Variants in TXNDC16 observed in about 807,000 individuals in gnomAD.
TXNDC16 encodes thioredoxin domain containing 16, also known as thioredoxin domain-containing protein 16.
Under a neutral mutation model 85.6 loss-of-function variants are expected in TXNDC16, and 74 were observed. The observed-to-expected ratio is 0.86, with a 90% CI of 0.72 to 1.05. TXNDC16 has a LOEUF of 1.05. TXNDC16 is among the 50% of genes least tolerant of loss of function. The pLI is 0.00. For synonymous variants in TXNDC16, 335 were observed against 326.5 expected (o/e 1.03, Z -0.28); for missense variants, 959 against 947.0 (o/e 1.01, Z -0.17).
intron 14 of TXNDC16, among the ~76,000 whole-genome samples, chr14:52,472,797 T>C (rs1270825983): frequency 6.6e-6 from 1 of 151,850 alleles, no homozygotes; most frequent in Non-Finnish European, 1.5e-5. Context: ...GTATGGGGAG[T>C]CCTCGGTAAG....
At chr14:52,508,987 A>G (rs1173441778) in intron 9 of TXNDC16, among the ~76,000 whole-genome samples, 1 of 152,158 alleles carries the variant, frequency 6.6e-6, no homozygotes, top group Non-Finnish European at 1.5e-5. Flanking sequence ...GCACACCAAC[A>G]TGGCACATGT....
chr14:52,513,562 T>A (rs904516709), intron 8 of TXNDC16, among the ~76,000 whole-genome samples: 15 of 152,126 alleles, frequency 9.9e-5, no homozygotes, highest in African/African-American at 3.1e-4. Context: ...TGTGCATTTT[T>A]AAATTCCCAT....
At position 52,451,748 on chromosome 14, in the gene TXNDC16, G is replaced by T. The variant is rs377000245; in HGVS notation, c.1842+3576C>A. Among the ~76,000 whole-genome samples, 10 of 151,990 alleles carry T rather than the reference G, an allele frequency of 6.6e-5. No individual in the cohort carries two copies. In the East Asian group the frequency reaches 1.5e-3, roughly 24 times the overall value. On this transcript the variant is annotated intron_variant, in intron 18 of 20. Transcript: ENST00000281741. ...GCCACAGCTAGTGTCATTCTGAATG[G>T]GGAAAAAGTCTTTTCTCTAAGATCT...
At chr14:52,526,337 C>T (rs549956555) in intron 6 of TXNDC16, among the ~76,000 whole-genome samples, 16 of 152,114 alleles carry the variant, frequency 1.1e-4, no homozygotes, top group Admixed American at 2.0e-4. Context: ...CTTCATCCTC[C>T]ACCCCCAGCT....
chr14:52,512,428 G>A (rs1208504417), intron 8 of TXNDC16, among the ~76,000 whole-genome samples: 1 of 152,042 alleles, frequency 6.6e-6, no homozygotes, highest in South Asian at 2.1e-4. Flanking sequence ...AAAAGGGAGA[G>A]AATTCCCCCT....
chr14:52,459,331 GA>G (rs1166747219), intron 16 of TXNDC16, among the ~76,000 whole-genome samples: 3 of 151,958 alleles, frequency 2.0e-5, no homozygotes, highest in African/African-American at 7.3e-5. Context: ...GAAAGAGATG[GA>G]TAAACTCCTG....
At chr14:52,549,796 C>T (rs1285153581) in intron 1 of TXNDC16, among the ~76,000 whole-genome samples, 1 of 152,100 alleles carries the variant, frequency 6.6e-6, no homozygotes, top group Non-Finnish European at 1.5e-5. Context: ...CGCCACCACA[C>T]CTGGCTAATG....
chr14:52,465,449 G>C (rs1000063079), intron 16 of TXNDC16, among the ~76,000 whole-genome samples: 18 of 151,980 alleles, frequency 1.2e-4, no homozygotes, highest in African/African-American at 3.9e-4. Flanking sequence ...AGAGTCAGCC[G>C]GGCTTGGTGG....
chr14:52,528,723 G>C (rs1332963213), intron 6 of TXNDC16, among the ~76,000 whole-genome samples: 4 of 149,656 alleles, frequency 2.7e-5, no homozygotes, highest in African/African-American at 9.8e-5. Flanking sequence ...AATAATAGTT[G>C]TAACTAGTTC....
chr14:52,467,107 T>A (rs1402197330), intron 16 of TXNDC16, among the ~76,000 whole-genome samples: 1 of 151,156 alleles, frequency 6.6e-6, no homozygotes, highest in Admixed American at 6.6e-5. Flanking sequence ...TAGAAAACAA[T>A]TAAACAGACA....
intron 12 of TXNDC16, among the ~76,000 whole-genome samples, chr14:52,486,747 T>C (rs1381601457): frequency 6.6e-6 from 1 of 151,938 alleles, no homozygotes; most frequent in African/African-American, 2.4e-5. Flanking sequence ...TTACTGATAA[T>C]AGGAAGTTAA....
rs374919112 is a variant in TXNDC16 at position 52,441,291 on chromosome 14, C to A, written c.1843-567G>T. Among the ~76,000 whole-genome samples, 7 of 152,168 alleles carry A rather than the reference C, an allele frequency of 4.6e-5. No homozygotes were observed. In the East Asian group the frequency reaches 9.6e-4, roughly 21 times the overall value. ...TTTAATATGAAATTAGAAATCTAAT[C>A]CTTTTATCATTTTTATTACTAATTA... On this transcript the variant is annotated intron_variant, in intron 18 of 20. Coordinates refer to ENST00000281741, the MANE Select transcript of TXNDC16 (RefSeq NM_020784.3).
chr14:52,473,131 G>C (rs1206739886), intron 14 of TXNDC16, among the ~76,000 whole-genome samples: 1 of 151,970 alleles, frequency 6.6e-6, no homozygotes, highest in South Asian at 2.1e-4. Context: ...TATAAAACTC[G>C]ACACATTCGC....
At chr14:52,433,171 T>A (rs1485684115) in intron 20 of TXNDC16, among the ~76,000 whole-genome samples, 1 of 152,114 alleles carries the variant, frequency 6.6e-6, no homozygotes, top group African/African-American at 2.4e-5. Context: ...TTATAGACAA[T>A]AAATAATTAA....
intron 20 of TXNDC16, 57 bp downstream of exon 20, chr14:52,439,141 AGAGTTT>A (rs2035104090): frequency 6.9e-7 from 1 of 1,455,742 alleles, no homozygotes; most frequent in Admixed American, 1.9e-5. Context: ...AGCTATATTT[AGAGTTT>A]AACATTTATG....
chr14:52,523,696 CA>C (rs1261274395), intron 6 of TXNDC16, among the ~76,000 whole-genome samples: 1 of 152,106 alleles, frequency 6.6e-6, no homozygotes, highest in Non-Finnish European at 1.5e-5. Context: ...ATAAAGTTCA[CA>C]AATATCATTC....
rs1449073407 is a variant in TXNDC16, at chr14:52,498,221, C to T, written c.757-7216G>A. On this transcript the variant is annotated intron_variant, in intron 9 of 20. Transcript: ENST00000281741. ...AATGGTTAAAAAACTGTGAACTTTC[C>T]CTCTAAGACCATGAACAAGTCAAGG... Among the ~76,000 whole-genome samples the T allele has an allele frequency of 2.0e-5, 3 of 152,072 alleles. 1 individual carries two copies. Among genetic ancestry groups the T allele is most frequent in the African/African-American group, 7.2e-5 (3 of 41,396 alleles).
intron 7 of TXNDC16, 22 bp from the exon 8 acceptor site, chr14:52,514,992 T>C (rs760740282): frequency 1.9e-6 from 3 of 1,579,872 alleles, no homozygotes; most frequent in Admixed American, 3.6e-5. Flanking sequence ...ATAAAGGGAG[T>C]TGGAAGACAG....
intron 7 of TXNDC16, among the ~76,000 whole-genome samples, chr14:52,518,851 A>C (rs1353332447): frequency 6.6e-6 from 1 of 152,116 alleles, no homozygotes; most frequent in Non-Finnish European, 1.5e-5. Flanking sequence ...ATTATTCATT[A>C]AAGTTCATTT....
Sources: gnomAD v4.1 joint callset for allele counts (sites outside exome capture counted in the v4.1 genomes callset) on GRCh38, gnomAD v4.1.1 for gene constraint, MANE v1.5 for transcripts, NCBI Gene and HGNC (gene_info 2026-07-23, HGNC 2026-07-21) for gene names.